Variants in EIF2D observed in about 807,000 individuals in gnomAD.
EIF2D encodes the protein eukaryotic translation initiation factor 2D.
EIF2D carries 56 observed loss-of-function variants against 77.4 expected under a neutral mutation model. The observed-to-expected ratio is 0.72, with a 90% CI of 0.58 to 0.90. EIF2D has a LOEUF of 0.90. EIF2D is among the 40% of genes least tolerant of loss of function. The pLI is 0.00. For synonymous variants in EIF2D, 230 were observed against 271.0 expected (o/e 0.85, Z 1.49); for missense variants, 574 against 706.5 (o/e 0.81, Z 2.13).
downstream of EIF2D, chr1:206,587,263 A>G (rs1294472192): frequency 5.1e-6 from 2 of 393,226 alleles, no homozygotes; most frequent in Non-Finnish European, 9.6e-6. Context: ...CACCAACCAA[A>G]TAGTTGCCTC....
Position 206,595,637 on chromosome 1 carries a change from C to T in EIF2D, c.1509+81G>A. On this transcript the variant is annotated intron_variant, in intron 13 of 14. Transcript: ENST00000271764. ...GATGAGTTTGAGGCCAATCTAAAAA[C>T]CTCCAATCACATTAGGGAGACCAGA... 4 of 1,519,778 alleles carry T rather than the reference C, an allele frequency of 2.6e-6. No homozygotes were observed. The South Asian group carries it at 5.0e-5, about 19-fold the overall frequency. 94.1% of individuals were successfully genotyped at this position (1,519,778 alleles called of 1,614,324 possible).
chr1:206,593,126 T>TA (rs1174509588), intron 14 of EIF2D, among the ~76,000 whole-genome samples: 4 of 151,316 alleles, frequency 2.6e-5, no homozygotes, highest in Non-Finnish European at 4.4e-5. Context: ...AAAAAAAACT[T>TA]AGACTCTGGA....
At chr1:206,577,565 G>A (rs1462013455) in intron 4 of EIF2D, among the ~76,000 whole-genome samples, 1 of 152,200 alleles carries the variant, frequency 6.6e-6, no homozygotes, top group Non-Finnish European at 1.5e-5. Context: ...AGTTAGTCAT[G>A]GGAGTCAGAA....
chr1:206,596,129 C>T (rs1669634590), intron 12 of EIF2D, among the ~76,000 whole-genome samples: 1 of 152,238 alleles, frequency 6.6e-6, no homozygotes, highest in Non-Finnish European at 1.5e-5. Context: ...GTCCACTGAC[C>T]TGGCCTTTTG....
intron 1 of EIF2D, among the ~76,000 whole-genome samples, chr1:206,611,921 T>C (rs895469072): frequency 2.0e-5 from 3 of 152,230 alleles, no homozygotes; most frequent in Non-Finnish European, 4.4e-5. Context: ...TTTTCTCTTA[T>C]ACTTTTAATT....
chr1:206,590,763 C>T (rs1410083942), downstream of EIF2D, among the ~76,000 whole-genome samples: 1 of 152,148 alleles, frequency 6.6e-6, no homozygotes, highest in Non-Finnish European at 1.5e-5. Flanking sequence ...TTAAGCCTTT[C>T]TTATCTCAGT....
intron 12 of EIF2D, 24 bp from the exon 13 acceptor site, chr1:206,595,862 A>T: frequency 6.2e-7 from 1 of 1,612,842 alleles, no homozygotes; most frequent in Non-Finnish European, 8.5e-7. Flanking sequence ...TATGAGTTGC[A>T]AACTGATAAA....
At chr1:206,600,456 A>G (rs1669873672) in intron 7 of EIF2D, 148 bp from the exon 8 acceptor site, 2 of 675,544 alleles carry the variant, frequency 3.0e-6, no homozygotes, top group Non-Finnish European at 2.6e-6. Flanking sequence ...CAGGGATGAC[A>G]GCAGAGAGGG....
intron 13 of EIF2D, chr1:206,594,434 G>A (rs544716383): frequency 6.6e-6 from 1 of 152,312 alleles, no homozygotes; most frequent in South Asian, 2.1e-4. Context: ...AAAAATGTTA[G>A]TGCTTTTAAA....
intron 12 of EIF2D, among the ~76,000 whole-genome samples, chr1:206,596,425 A>G (rs911605602): frequency 6.6e-6 from 1 of 152,232 alleles, no homozygotes; most frequent in Non-Finnish European, 1.5e-5. Flanking sequence ...AAACCAGCGC[A>G]CAGACAACAC....
chr1:206,602,707 A>G (rs782121379), intron 6 of EIF2D: 2 of 659,562 alleles, frequency 3.0e-6, no homozygotes, highest in African/African-American at 3.6e-5. Context: ...GAAACCTTGG[A>G]GGGCTTTGTA....
At chr1:206,578,799 AC>A (rs1441636676) in intron 4 of EIF2D, among the ~76,000 whole-genome samples, 38 of 152,160 alleles carry the variant, frequency 2.5e-4, no homozygotes, top group Admixed American at 2.1e-3. Context: ...CACGTGACTC[AC>A]TCAGAGCCTC....
At chr1:206,598,916 C>T (rs1208885647) in intron 11 of EIF2D, 87 bp downstream of exon 11, 21 of 1,336,226 alleles carry the variant, frequency 1.6e-5, no homozygotes, top group Non-Finnish European at 2.1e-5. Flanking sequence ...TTTCTATTCT[C>T]CCTCCCAGAC....
intron 2 of EIF2D, chr1:206,583,152 C>A: frequency 1.4e-6 from 1 of 696,828 alleles, no homozygotes; most frequent in South Asian, 1.5e-5. Context: ...GTTAGTTCCA[C>A]TCTGCAGGGC....
chr1:206,611,211 C>A lies in EIF2D; in HGVS notation c.220G>T (p.Glu74Ter). ...YVSGGNPILFELEKNLYPTVY... is the reference protein window; with the variant it reads ...YVSGGNPILF ...GTTGGATACAGATTTTTCTCCAGTTCAAAGAGGATGGGGTTACCACCACTC... is the reference window on the plus strand; with the variant it reads ...GTTGGATACAGATTTTTCTCCAGTTAAAAGAGGATGGGGTTACCACCACTC... The change falls in exon 2 of 15, where the codon GAA (glutamate) becomes TAA (stop). Residue 74 changes from glutamate to a stop codon, truncating the protein, a stop_gained. Coordinates refer to ENST00000271764, the MANE Select transcript of EIF2D (RefSeq NM_006893.3). LOFTEE classifies it high-confidence loss of function. The A allele has an allele frequency of 1.2e-6, 2 of 1,613,698 alleles. No individual in the cohort carries two copies. The highest frequency in any genetic ancestry group is 1.7e-6 in the Non-Finnish European group (2 of 1,179,742).
In EIF2D at chr1:206,593,638, G is replaced by A. The variant is rs150529611; in HGVS notation, c.1665C>T (p.His555=). 246 of 1,609,948 alleles carry A rather than the reference G, an allele frequency of 1.5e-4. No homozygotes were observed. Among genetic ancestry groups the A allele is most frequent in the African/African-American group, 2.8e-4 (21 of 74,798 alleles). ...QVQIQGNQVH[H]LGWLLLEEYQ... ...GCTCACCAAGCAATAGCCAGCCGAG[G>A]TGGTGGACCTGGTTTCCCTGGATCT... Residue 555 remains histidine, a synonymous_variant, in exon 14 of 15, where the codon CAC becomes CAT. Coordinates refer to ENST00000271764, the MANE Select transcript of EIF2D (RefSeq NM_006893.3).
At chr1:206,610,646 C>T (rs1670431210) in intron 2 of EIF2D, among the ~76,000 whole-genome samples, 2 of 152,124 alleles carry the variant, frequency 1.3e-5, no homozygotes, top group Admixed American at 6.5e-5. Context: ...TGGTGAAATC[C>T]CGTCTCTACT....
intron 2 of EIF2D, among the ~76,000 whole-genome samples, chr1:206,610,815 T>C (rs6540492): frequency 0.088 from 13,419 of 152,182 alleles, 671 homozygotes; most frequent in South Asian, 0.15. Context: ...AGCAAGACTC[T>C]GTCTCATGAA....
chr1:206,609,323 C>T, intron 3 of EIF2D, 53 bp downstream of exon 3: 1 of 1,548,976 alleles, frequency 6.5e-7, no homozygotes, highest in South Asian at 1.1e-5. Flanking sequence ...CATCAGTTGG[C>T]TTTTGCTAAG....
Sources: gnomAD v4.1 joint callset for allele counts (sites outside exome capture counted in the v4.1 genomes callset) on GRCh38, gnomAD v4.1.1 for gene constraint, MANE v1.5 for transcripts, NCBI Gene and HGNC (gene_info 2026-07-23, HGNC 2026-07-21) for gene names.